KDM4B: variants seen among roughly 807,000 people sequenced by gnomAD.
KDM4B encodes lysine-specific demethylase 4B.
In KDM4B, 32 loss-of-function variants were observed where a neutral mutation model predicts 125.2. The ratio of observed to expected loss-of-function variants is 0.26; its 90% CI spans 0.19 to 0.34. KDM4B has a LOEUF of 0.34. KDM4B is among the 10% of genes least tolerant of loss of function. KDM4B has a pLI of 1.00. For synonymous variants in KDM4B, 721 were observed against 677.9 expected, an observed-to-expected ratio of 1.06 and a Z score of -0.99; for missense variants, 1,190 against 1,577.7, an observed-to-expected ratio of 0.75 and a Z score of 4.16.
At chr19:5,090,375 T>TC (rs1361804769) in intron 9 of KDM4B, among the ~76,000 whole-genome samples, 1 of 59,340 alleles carries the variant, frequency 1.7e-5, no homozygotes, top group Non-Finnish European at 3.3e-5. Flanking sequence ...CATCTCTCTC[T>TC]CCCCCCATAT....
chr19:5,132,443 C>T (rs2146062686), intron 13 of KDM4B, among the ~76,000 whole-genome samples: 1 of 152,304 alleles, frequency 6.6e-6, no homozygotes, highest in Middle Eastern at 3.4e-3. Context: ...TCCTGCTAAG[C>T]CAGTTTTTCA....
chr19:5,130,671 A>G (rs1401894745), intron 11 of KDM4B, among the ~76,000 whole-genome samples: 1 of 152,116 alleles, frequency 6.6e-6, no homozygotes, highest in Non-Finnish European at 1.5e-5. Context: ...CTTCTCCCCC[A>G]CCTCCACCGG....
chr19:5,119,901 TG>T, intron 11 of KDM4B, 49 bp downstream of exon 11: 1 of 1,537,326 alleles, frequency 6.5e-7, no homozygotes. Context: ...CCCACCCCCG[TG>T]GGCATCTCCT....
chr19:5,017,315 G>T (rs2035923220), intron 2 of KDM4B, among the ~76,000 whole-genome samples: 2 of 152,100 alleles, frequency 1.3e-5, no homozygotes, highest in African/African-American at 4.8e-5. Flanking sequence ...ATGGCCCCTG[G>T]ACCCAATCTG....
chr19:5,034,866 TG>T (rs1471873595), intron 3 of KDM4B, among the ~76,000 whole-genome samples: 1 of 152,226 alleles, frequency 6.6e-6, no homozygotes, highest in Non-Finnish European at 1.5e-5. Flanking sequence ...TCGCCCAGGC[TG>T]GGGTGCTGGG....
intron 1 of KDM4B, among the ~76,000 whole-genome samples, chr19:4,991,428 A>G (rs2035029253): frequency 6.6e-6 from 1 of 152,220 alleles, no homozygotes; most frequent in East Asian, 1.9e-4. Context: ...AGCCTGGGCA[A>G]CACAGTGAGA....
chr19:5,131,923 A>C lies in KDM4B; in HGVS notation c.1822A>C (p.Lys608Gln). 2 of 1,612,720 alleles carry C rather than the reference A, an allele frequency of 1.2e-6. No individual in the cohort carries two copies. Among genetic ancestry groups the C allele is most frequent in the Non-Finnish European group, 1.7e-6 (2 of 1,179,854 alleles). The change falls in exon 13 of 23, where the codon AAG (lysine) becomes CAG (glutamine). Residue 608 changes from lysine to glutamine, a missense_variant. Transcript: ENST00000159111. ...ATTTTCCAAATTGAAGATGGAGATC[A>C]AGAAGAGCCGGCGCCATCCCCTGGG... ...STFSKLKMEIKKSRRHPLGRP... is the reference protein window; with the variant it reads ...STFSKLKMEIQKSRRHPLGRP...
At chr19:5,018,457 C>T (rs1390564487) in intron 2 of KDM4B, among the ~76,000 whole-genome samples, 1 of 152,224 alleles carries the variant, frequency 6.6e-6, no homozygotes, top group Non-Finnish European at 1.5e-5. Flanking sequence ...GCTCCTGCTT[C>T]CGAAGGCCTG....
At chr19:5,077,588 T>C in intron 8 of KDM4B, 118 bp downstream of exon 8, 1 of 809,566 alleles carries the variant, frequency 1.2e-6, no homozygotes, top group Non-Finnish European at 2.0e-6. Flanking sequence ...TCTAGAACAG[T>C]GATTAGCATG....
At chr19:5,093,887 G>A (rs935432312) in intron 9 of KDM4B, among the ~76,000 whole-genome samples, 23 of 152,228 alleles carry the variant, frequency 1.5e-4, no homozygotes, top group Admixed American at 9.2e-4. Context: ...GTGCAGGGAC[G>A]CTGCAGCTGC....
At chr19:5,022,418 T>C (rs2036152779) in intron 2 of KDM4B, among the ~76,000 whole-genome samples, 1 of 152,170 alleles carries the variant, frequency 6.6e-6, no homozygotes. Flanking sequence ...TGGCTTCATC[T>C]TGAGGCTGGT....
At chr19:5,084,469 TATAA>T (rs2038411990) in intron 9 of KDM4B, among the ~76,000 whole-genome samples, 1 of 140,104 alleles carries the variant, frequency 7.1e-6, no homozygotes, top group Non-Finnish European at 1.5e-5. Flanking sequence ...ATATATTATA[TATAA>T]ATATAAATTA....
intron 6 of KDM4B, among the ~76,000 whole-genome samples, chr19:5,055,600 C>T (rs2037370151): frequency 6.6e-6 from 1 of 150,842 alleles, no homozygotes; most frequent in Non-Finnish European, 1.5e-5. Flanking sequence ...GAGTGTCAGG[C>T]GGTGGGCCCG....
At chr19:4,972,504 T>G (rs2034295216) in intron 1 of KDM4B, among the ~76,000 whole-genome samples, 1 of 152,206 alleles carries the variant, frequency 6.6e-6, no homozygotes, top group Non-Finnish European at 1.5e-5. Context: ...GGACATTCTG[T>G]GGCGGGGCTG....
At chr19:5,043,203 T>TGGG (rs1463435789) in intron 5 of KDM4B, among the ~76,000 whole-genome samples, 1 of 140,930 alleles carries the variant, frequency 7.1e-6, no homozygotes, top group African/African-American at 2.7e-5. Context: ...TTTATTGGAG[T>TGGG]GGGGTGTCCA....
intron 21 of KDM4B, among the ~76,000 whole-genome samples, chr19:5,148,518 G>A (rs557397652): frequency 6.6e-6 from 1 of 152,332 alleles, no homozygotes; most frequent in Admixed American, 6.5e-5. Flanking sequence ...CTGCTTCTGT[G>A]CCTGACTGAA....
At chr19:5,146,403 G>A (rs1457291084) in intron 21 of KDM4B, among the ~76,000 whole-genome samples, 2 of 152,254 alleles carry the variant, frequency 1.3e-5, no homozygotes, top group African/African-American at 4.8e-5. Context: ...TCGGGGACAA[G>A]CCATCCCCAT....
chr19:5,070,830 A>T, intron 6 of KDM4B, 180 bp from the exon 7 acceptor site: 1 of 528,508 alleles, frequency 1.9e-6, no homozygotes, highest in Non-Finnish European at 3.3e-6. Flanking sequence ...TCGCTTCCTT[A>T]CGGATTCCGT....
intron 6 of KDM4B, among the ~76,000 whole-genome samples, chr19:5,067,931 A>AT (rs2037825374): frequency 6.6e-6 from 1 of 152,104 alleles, no homozygotes; most frequent in East Asian, 1.9e-4. Flanking sequence ...ATGGAAACCG[A>AT]GCTCCCAGGG....
Sources: allele counts gnomAD v4.1 joint callset (sites outside exome capture counted in the v4.1 genomes callset), GRCh38; gene constraint gnomAD v4.1.1; transcripts MANE v1.5; gene names NCBI Gene and HGNC (gene_info 2026-07-23, HGNC 2026-07-21).